The following NKIRAS1 variants were observed in gnomAD, a reference collection of about 807,000 sequenced individuals.
NKIRAS1 encodes the protein NFKB inhibitor interacting Ras like 1, also known as NF-kappa-B inhibitor-interacting Ras-like protein 1.
Under a neutral mutation model 19.8 loss-of-function variants are expected in NKIRAS1, and 16 were observed. The ratio of observed to expected loss-of-function variants is 0.81; its 90% CI spans 0.55 to 1.23. NKIRAS1 has a LOEUF of 1.23. NKIRAS1 is among the 50% of genes most tolerant of loss of function. The probability of loss-of-function intolerance (pLI) is 0.00; values close to 1 mark genes in which losing one functional copy is unlikely to be tolerated. For missense variants in NKIRAS1, 184 were observed against 220.0 expected (o/e 0.84, Z 1.04); for synonymous variants, 88 against 79.0 (o/e 1.11, Z -0.61).
At chr3:23,919,963 T>G, upstream of NKIRAS1, 1 of 988,664 alleles carries the variant, frequency 1.0e-6, no homozygotes, top group South Asian at 4.7e-5. Flanking sequence ...TGAAGAAAAT[T>G]GCCTCAGCCT....
intron 1 of NKIRAS1, among the ~76,000 whole-genome samples, chr3:23,935,777 T>C (rs1705380954): frequency 1.3e-5 from 2 of 151,992 alleles, no homozygotes; most frequent in South Asian, 4.1e-4. Context: ...TATAGATAGA[T>C]AATTAGTAAA....
At chr3:23,894,252 T>G (rs1701754113) in intron 4 of NKIRAS1, among the ~76,000 whole-genome samples, 1 of 152,164 alleles carries the variant, frequency 6.6e-6, no homozygotes, top group African/African-American at 2.4e-5. Flanking sequence ...CCGTAAAGAT[T>G]ACACAAGACG....
chr3:23,946,216 A>G, intron 1 of NKIRAS1: 3 of 985,374 alleles, frequency 3.0e-6, no homozygotes, highest in Non-Finnish European at 3.6e-6. Flanking sequence ...GGGCGCTGAC[A>G]CCGCAGTGCA....
At chr3:23,909,146 A>G (rs1431505289) in intron 3 of NKIRAS1, among the ~76,000 whole-genome samples, 1 of 152,222 alleles carries the variant, frequency 6.6e-6, no homozygotes, top group Non-Finnish European at 1.5e-5. Context: ...AATAAACACT[A>G]AATATGAATT....
upstream of NKIRAS1, chr3:23,921,747 G>C (rs775416491): frequency 1.6e-6 from 1 of 608,560 alleles, no homozygotes; most frequent in East Asian, 2.8e-5. Context: ...GCTAAGTTTT[G>C]TATTTTTAGT....
chr3:23,899,547 G>A (rs558077448), intron 4 of NKIRAS1, among the ~76,000 whole-genome samples: 15 of 152,258 alleles, frequency 9.9e-5, no homozygotes, highest in African/African-American at 3.1e-4. Flanking sequence ...AGTCCGCCAC[G>A]TGAAGATCTG....
In NKIRAS1 at chr3:23,927,907, T is replaced by C. The variant is rs974035672; in HGVS notation, c.-139-16457A>G. 3.3e-5 allele frequency among the ~76,000 whole-genome samples: 5 copies of C among 152,058 alleles called. No homozygotes were observed. Among genetic ancestry groups the C allele is most frequent in the African/African-American group, 1.2e-4 (5 of 41,384 alleles). On this transcript the variant is annotated intron_variant, in intron 1 of 4. Transcript: ENST00000421515. This position sits in a 1 kb window ranked among gnomAD's most constrained non-coding sequence, Gnocchi z 4.0. The stretch of plus-strand genomic sequence containing the variant: ...CAGCCTGGGCAACATGGTGAGATCC[T>C]GTCTCTACAAAAGATTAAACAATTA...
chr3:23,937,357 AG>A (rs199851955), intron 1 of NKIRAS1, among the ~76,000 whole-genome samples: 3 of 152,158 alleles, frequency 2.0e-5, no homozygotes, highest in African/African-American at 7.2e-5. Flanking sequence ...AAAAAAGAAA[AG>A]AAAAAGAAAA....
intron 1 of NKIRAS1, among the ~76,000 whole-genome samples, chr3:23,938,586 G>T (rs1226162006): frequency 2.0e-5 from 3 of 152,074 alleles, no homozygotes; most frequent in Non-Finnish European, 4.4e-5. Context: ...CTTTAAAATT[G>T]TTCCCTTTTG....
In NKIRAS1 at chr3:23,893,277, C is replaced by T. The variant is rs529275413; in HGVS notation, c.397G>A (p.Glu133Lys). Residue 133 changes from glutamate to lysine, a missense_variant, in exon 5 of 5, where the codon GAA (glutamate) becomes AAA (lysine). Transcript: ENST00000425478. ...CTTTTTGCCCACTGCTGTGCCACTTCAGCGTCCACTTGTCTCTGCTCAGAA... is the reference window on the plus strand; with the variant it reads ...CTTTTTGCCCACTGCTGTGCCACTTTAGCGTCCACTTGTCTCTGCTCAGAA... ...DLSEQRQVDA[E>K]VAQQWAKSEK... 1.4e-5 allele frequency: 23 copies of T among 1,614,094 alleles called. No homozygotes were observed. The South Asian group carries it at 1.6e-4, about 12-fold the overall frequency.
At chr3:23,939,982 A>T (rs942065457) in intron 1 of NKIRAS1, among the ~76,000 whole-genome samples, 1 of 152,152 alleles carries the variant, frequency 6.6e-6, no homozygotes, top group Non-Finnish European at 1.5e-5. Flanking sequence ...ATGTGACTAC[A>T]GCAACTAAGG....
chr3:23,937,261 C>A, intron 1 of NKIRAS1, among the ~76,000 whole-genome samples: 1 of 151,904 alleles, frequency 6.6e-6, no homozygotes. Context: ...GTCCCAGCTA[C>A]TCGGTAGGCT....
chr3:23,919,369 G>A, upstream of NKIRAS1: 1 of 1,602,664 alleles, frequency 6.2e-7, no homozygotes, highest in African/African-American at 1.3e-5. Flanking sequence ...ACAGGGAGAT[G>A]CGTGGGCTGA....
intron 1 of NKIRAS1, among the ~76,000 whole-genome samples, chr3:23,933,330 T>C (rs1691210461): frequency 6.6e-6 from 1 of 152,230 alleles, no homozygotes; most frequent in African/African-American, 2.4e-5. Flanking sequence ...AATTACTCTA[T>C]CCCAGTGGTT....
upstream of NKIRAS1, chr3:23,920,919 C>A: frequency 4.4e-6 from 1 of 228,884 alleles, no homozygotes; most frequent in Non-Finnish European, 7.2e-6. Flanking sequence ...CCCTAACCAG[C>A]AAAAAGGCAT....
At chr3:23,921,313 A>G (rs1028605789), upstream of NKIRAS1, among the ~76,000 whole-genome samples, 6 of 152,198 alleles carry the variant, frequency 3.9e-5, no homozygotes, top group Non-Finnish European at 5.9e-5. Flanking sequence ...AAAAAAATCA[A>G]AAGTCCTCAT....
intron 4 of NKIRAS1, among the ~76,000 whole-genome samples, chr3:23,894,035 G>A (rs1701723489): frequency 6.6e-6 from 1 of 152,092 alleles, no homozygotes; most frequent in South Asian, 2.1e-4. Context: ...CATGAGAACA[G>A]GAATTGTTGT....
chr3:23,921,846 A>T, upstream of NKIRAS1: 2 of 526,028 alleles, frequency 3.8e-6, no homozygotes, highest in South Asian at 5.1e-5. Context: ...AAGTGCTGGG[A>T]TTACAGGCGT....
rs1160492883 is a variant in NKIRAS1 at position 23,901,005 on chromosome 3, C to T, written c.139G>A (p.Val47Ile). 5 of 1,614,160 alleles carry T rather than the reference C, an allele frequency of 3.1e-6. No homozygotes were observed. ...TCTTTTACTCCTCGGTCTGTTTCTA[C>T]TGAAGCCATGTATACATCTTCCATT... ...ETMEDVYMAS[V>I]ETDRGVKEQL... Residue 47 changes from valine (V) to isoleucine (I), a missense_variant, in exon 4 of 5, where the codon GTA becomes ATA. By Grantham distance (29) the Val-to-Ile change is conservative (BLOSUM62 3). Coordinates refer to ENST00000425478, the MANE Select transcript of NKIRAS1 (RefSeq NM_020345.4).
Sources: allele counts gnomAD v4.1 joint callset (sites outside exome capture counted in the v4.1 genomes callset), GRCh38; gene constraint gnomAD v4.1.1; non-coding constraint Gnocchi (gnomAD v3.1); transcripts MANE v1.5; gene names NCBI Gene and HGNC (gene_info 2026-07-23, HGNC 2026-07-21).